CSMD3: variants seen among roughly 807,000 people sequenced by gnomAD.
The protein encoded by CSMD3 is CUB and Sushi multiple domains 3.
In CSMD3, 177 loss-of-function variants were observed where a neutral mutation model predicts 435.2. The ratio of observed to expected loss-of-function variants is 0.41; its 90% confidence interval spans 0.36 to 0.46. The LOEUF (loss-of-function observed/expected upper bound fraction) is 0.46, where lower values mean the gene tolerates loss of function less well. Ranked by LOEUF, CSMD3 falls within the 20% of genes least tolerant of loss-of-function variation. CSMD3 has a pLI of 0.34. For synonymous variants in CSMD3, 1,656 were observed against 1,520.5 expected, an observed-to-expected ratio of 1.09 and a Z score of -2.07; for missense variants, 4,265 against 4,504.6, an observed-to-expected ratio of 0.95 and a Z score of 1.52.
chr8:113,217,230 CT>C (rs938804821), intron 3 of CSMD3, among the ~76,000 whole-genome samples: 17 of 150,814 alleles, frequency 1.1e-4, no homozygotes, highest in South Asian at 8.4e-4. Flanking sequence ...ACTCAAAAAT[CT>C]TTTTTTTTAA....
chr8:113,360,287 G>A (rs2094263747), intron 1 of CSMD3, among the ~76,000 whole-genome samples: 1 of 152,030 alleles, frequency 6.6e-6, no homozygotes. Context: ...GCCCTCTAGA[G>A]CTATAGGACT....
chr8:113,173,194 C>T (rs2092295969), intron 4 of CSMD3, among the ~76,000 whole-genome samples: 1 of 152,012 alleles, frequency 6.6e-6, no homozygotes, highest in South Asian at 2.1e-4. Flanking sequence ...CATAACTATG[C>T]ATATAGAGAT....
chr8:112,920,622 T>C (rs972131066), intron 10 of CSMD3, among the ~76,000 whole-genome samples: 1 of 151,854 alleles, frequency 6.6e-6, no homozygotes, highest in Non-Finnish European at 1.5e-5. Context: ...TGTTAGTTTT[T>C]TTAGTATTTA....
chr8:113,237,450 C>T (rs1364379672), intron 3 of CSMD3, among the ~76,000 whole-genome samples: 1 of 152,178 alleles, frequency 6.6e-6, no homozygotes, highest in Non-Finnish European at 1.5e-5. Context: ...TGGCCAGACT[C>T]ACATATCTGG....
chr8:112,247,327 T>C (rs1282595801), intron 63 of CSMD3, among the ~76,000 whole-genome samples, 196 bp from the exon 64 acceptor site: 1 of 152,166 alleles, frequency 6.6e-6, no homozygotes, highest in African/African-American at 2.4e-5. Flanking sequence ...TTTATTTGTT[T>C]ACATATCATC....
chr8:112,982,767 A>G lies in CSMD3; in HGVS notation c.1031-6619T>C, dbSNP rs577194467. 1.0e-3 allele frequency among the ~76,000 whole-genome samples: 154 copies of G among 152,132 alleles called. 1 individual carries two copies. The highest frequency in any genetic ancestry group is 1.8e-3 in the Non-Finnish European group (120 of 67,924). ...TATATATGTGAGGAGAGAATAAATT[A>G]GTAAAAATGTCTAAATATATTACCT... On this transcript the variant is annotated intron_variant, in intron 6 of 70. Transcript: ENST00000297405.
At chr8:112,248,107 A>G (rs1436408621) in intron 63 of CSMD3, among the ~76,000 whole-genome samples, 1 of 152,094 alleles carries the variant, frequency 6.6e-6, no homozygotes, top group African/African-American at 2.4e-5. Flanking sequence ...ACTTTACTTG[A>G]ATAAGTCATA....
At chr8:112,470,043 T>C (rs1818367241) in intron 32 of CSMD3, among the ~76,000 whole-genome samples, 1 of 152,152 alleles carries the variant, frequency 6.6e-6, no homozygotes, top group African/African-American at 2.4e-5. Flanking sequence ...CAGTAACTAC[T>C]GCTTGACCAT....
chr8:112,236,120 C>T (rs1249959361), intron 67 of CSMD3, among the ~76,000 whole-genome samples: 1 of 151,724 alleles, frequency 6.6e-6, no homozygotes, highest in South Asian at 2.1e-4. Context: ...AACGGAGGAT[C>T]ATTCAATAAT....
intron 6 of CSMD3, among the ~76,000 whole-genome samples, chr8:112,976,845 G>C (rs1027104299): frequency 1.3e-5 from 2 of 151,644 alleles, no homozygotes; most frequent in African/African-American, 4.8e-5. Flanking sequence ...ATGAAATTTG[G>C]AAGTGGTTGA....
chr8:112,657,106 A>C (rs1173469029), intron 17 of CSMD3, among the ~76,000 whole-genome samples: 1 of 144,074 alleles, frequency 6.9e-6, no homozygotes, highest in East Asian at 2.0e-4. Context: ...TCCATCAACC[A>C]GGCTAGAGTG....
chr8:112,916,096 A>G (rs1178684097), intron 10 of CSMD3, among the ~76,000 whole-genome samples: 1 of 151,566 alleles, frequency 6.6e-6, no homozygotes, highest in Non-Finnish European at 1.5e-5. Context: ...CTAGAAAATG[A>G]TGAGTTGGAA....
At chr8:112,638,016 T>A (rs1033782935) in intron 21 of CSMD3, among the ~76,000 whole-genome samples, 1 of 151,742 alleles carries the variant, frequency 6.6e-6, no homozygotes, top group Non-Finnish European at 1.5e-5. Flanking sequence ...AAAGTACAAC[T>A]CTAAGTGGTG....
At chr8:112,664,303 A>G (rs1231137142) in intron 17 of CSMD3, among the ~76,000 whole-genome samples, 1 of 152,174 alleles carries the variant, frequency 6.6e-6, no homozygotes, top group African/African-American at 2.4e-5. Context: ...AAATCAATAC[A>G]TATCATGCTT....
intron 47 of CSMD3, among the ~76,000 whole-genome samples, chr8:112,317,700 A>G (rs916826252): frequency 2.0e-5 from 3 of 152,008 alleles, no homozygotes; most frequent in African/African-American, 4.8e-5. Context: ...ATTGGCTCCA[A>G]TTTATACCCC....
intron 27 of CSMD3, among the ~76,000 whole-genome samples, chr8:112,528,567 G>A (rs1475798010): frequency 6.6e-6 from 1 of 152,076 alleles, no homozygotes; most frequent in East Asian, 1.9e-4. Context: ...AACATGACAA[G>A]TGACATCAGC....
intron 35 of CSMD3, among the ~76,000 whole-genome samples, chr8:112,404,345 T>A (rs1303282834): frequency 1.3e-5 from 2 of 151,920 alleles, no homozygotes; most frequent in African/African-American, 2.4e-5. Context: ...CTGACCAACA[T>A]GGTGAAACCC....
At chr8:112,280,090 C>T (rs1362061661) in intron 59 of CSMD3, among the ~76,000 whole-genome samples, 1 of 152,104 alleles carries the variant, frequency 6.6e-6, no homozygotes, top group Admixed American at 6.6e-5. Context: ...TTATCTCACC[C>T]ACACAATACA....
chr8:112,704,403 C>G (rs773082957), intron 13 of CSMD3, among the ~76,000 whole-genome samples: 3 of 152,068 alleles, frequency 2.0e-5, no homozygotes, highest in Non-Finnish European at 4.4e-5. Flanking sequence ...TATGATTGCA[C>G]TGAGTATTTA....
Sources: allele counts gnomAD v4.1 joint callset (sites outside exome capture counted in the v4.1 genomes callset), GRCh38; gene constraint gnomAD v4.1.1; transcripts MANE v1.5; gene names NCBI Gene and HGNC (gene_info 2026-07-23, HGNC 2026-07-21).